The following EPB41L3 variants were observed in gnomAD, a reference collection of about 807,000 sequenced individuals.
The protein encoded by EPB41L3 is erythrocyte membrane protein band 4.1 like 3, also known as band 4.1-like protein 3.
EPB41L3 carries 57 observed loss-of-function variants against 127.1 expected under a neutral mutation model. The observed-to-expected ratio is 0.45, with a 90% confidence interval of 0.36 to 0.56. The LOEUF is 0.56. Among genes scored for constraint, EPB41L3 ranks in the 20% least tolerant of loss-of-function variants. The pLI, the probability that EPB41L3 is intolerant of heterozygous loss-of-function variation, is 0.00. For missense variants in EPB41L3, 1,273 were observed against 1,372.2 expected (o/e 0.93, Z 1.14); for synonymous variants, 572 against 549.5 (o/e 1.04, Z -0.57).
At chr18:5,592,217 A>G (rs1338988122) in intron 3 of EPB41L3, among the ~76,000 whole-genome samples, 1 of 152,086 alleles carries the variant, frequency 6.6e-6, no homozygotes, top group African/African-American at 2.4e-5. Context: ...CCCAGGCGGG[A>G]GTGCAGTGGC....
chr18:5,485,481 A>G (rs573630052), intron 2 of EPB41L3, among the ~76,000 whole-genome samples: 3 of 152,044 alleles, frequency 2.0e-5, no homozygotes, highest in African/African-American at 7.2e-5. Context: ...ATAATACTGG[A>G]AGTCCTGGCT....
chr18:5,394,924 G>T, intron 21 of EPB41L3, 131 bp from the exon 22 acceptor site: 1 of 1,187,134 alleles, frequency 8.4e-7, no homozygotes, highest in Non-Finnish European at 1.2e-6. Context: ...ATTACAAAAG[G>T]AATCATAAAT....
chr18:5,477,480 T>C (rs2087473578), intron 3 of EPB41L3, among the ~76,000 whole-genome samples: 1 of 152,210 alleles, frequency 6.6e-6, no homozygotes, highest in Admixed American at 6.5e-5. Context: ...ACATGGCATC[T>C]GAAACCTTGC....
At chr18:5,401,599 A>G (rs750473044) in intron 16 of EPB41L3, among the ~76,000 whole-genome samples, 11 of 152,170 alleles carry the variant, frequency 7.2e-5, no homozygotes, top group African/African-American at 1.7e-4. Flanking sequence ...CCCACAAATA[A>G]AGAAAAAATA....
intron 3 of EPB41L3, among the ~76,000 whole-genome samples, chr18:5,611,631 C>T (rs1309916461): frequency 6.6e-6 from 1 of 152,050 alleles, no homozygotes; most frequent in African/African-American, 2.4e-5. Flanking sequence ...GAGAGTAGCA[C>T]AATAAATAAA....
intron 3 of EPB41L3, among the ~76,000 whole-genome samples, chr18:5,581,399 A>C: frequency 6.6e-6 from 1 of 152,212 alleles, no homozygotes; most frequent in East Asian, 1.9e-4. Flanking sequence ...GTTAAACTAA[A>C]TTTTAAGATA....
At chr18:5,518,673 T>G (rs1044509406) in intron 1 of EPB41L3, 2 of 152,210 alleles carry the variant, frequency 1.3e-5, no homozygotes, top group Non-Finnish European at 2.9e-5. Context: ...TATTTTATAC[T>G]ATTTCTTAAC....
rs1302605705 is a variant in EPB41L3 at position 5,543,597 on chromosome 18, G to A, written c.-12+316C>T. The stretch of plus-strand genomic sequence containing the variant: ...GTCGCCCCTTCGGCCAGGGATCCCA[G>A]GGAGGCCCCCAGGCCGGAGGCCGGG... On this transcript the variant is annotated intron_variant, in intron 1 of 22. Transcript: ENST00000341928. This position sits in a 1 kb window ranked among gnomAD's most constrained non-coding sequence, Gnocchi z 5.2. Among the ~76,000 whole-genome samples, 1 of 147,344 alleles carries A rather than the reference G, an allele frequency of 6.8e-6. No individual in the cohort carries two copies. Among genetic ancestry groups the A allele is most frequent in the Non-Finnish European group, 1.5e-5 (1 of 66,134 alleles).
At chr18:5,431,594 T>G (rs1471059968) in intron 8 of EPB41L3, among the ~76,000 whole-genome samples, 1 of 152,250 alleles carries the variant, frequency 6.6e-6, no homozygotes, top group Non-Finnish European at 1.5e-5. Flanking sequence ...ATAGAAACAC[T>G]GATACATCCT....
chr18:5,458,389 A>G (rs568794161), intron 3 of EPB41L3, among the ~76,000 whole-genome samples: 7 of 152,328 alleles, frequency 4.6e-5, no homozygotes, highest in African/African-American at 1.4e-4. Flanking sequence ...TACACATTTT[A>G]TCCTTCACAA....
At chr18:5,568,073 G>T (rs1452103995) in intron 3 of EPB41L3, among the ~76,000 whole-genome samples, 1 of 152,046 alleles carries the variant, frequency 6.6e-6, no homozygotes, top group African/African-American at 2.4e-5. Context: ...GAAAAGAAAT[G>T]ATGCAAAATA....
At chr18:5,473,745 C>T (rs1568332817) in intron 3 of EPB41L3, among the ~76,000 whole-genome samples, 1 of 152,108 alleles carries the variant, frequency 6.6e-6, no homozygotes, top group African/African-American at 2.4e-5. Flanking sequence ...ACAACAATAA[C>T]AAACTGGCTG....
At chr18:5,421,351 CAT>C (rs2077451544) in intron 11 of EPB41L3, among the ~76,000 whole-genome samples, 1 of 151,964 alleles carries the variant, frequency 6.6e-6, no homozygotes, top group Non-Finnish European at 1.5e-5. Flanking sequence ...ATACTGATAA[CAT>C]ATAGAAATAG....
chr18:5,467,346 T>A (rs796588225), intron 3 of EPB41L3: 55 of 151,656 alleles, frequency 3.6e-4, no homozygotes, highest in Middle Eastern at 3.4e-3. Context: ...TTTTTAGAAA[T>A]TAGGTTTAAG....
Position 5,459,617 on chromosome 18 carries a change from A to T in EPB41L3, c.382-14373T>A, listed in dbSNP as rs2083637480. On this transcript the variant is annotated intron_variant, in intron 3 of 22. Transcript: ENST00000341928. The stretch of plus-strand genomic sequence containing the variant: ...TTCTGGTTATATAAAGGAAGTTCTT[A>T]ATCTGTATCTACTGAATGAGAATGT... 2.0e-5 allele frequency among the ~76,000 whole-genome samples: 3 copies of T among 152,154 alleles called. No homozygotes were observed. In the East Asian group the frequency reaches 5.8e-4, roughly 29 times the overall value.
At chr18:5,400,509 T>C (rs559731549) in intron 16 of EPB41L3, 33 of 456,610 alleles carry the variant, frequency 7.2e-5, no homozygotes, top group African/African-American at 5.4e-4. Flanking sequence ...CTAGGGTTGA[T>C]GGGACAGTTT....
At chr18:5,466,045 T>C (rs994162131) in intron 3 of EPB41L3, among the ~76,000 whole-genome samples, 1 of 152,124 alleles carries the variant, frequency 6.6e-6, no homozygotes, top group African/African-American at 2.4e-5. Flanking sequence ...TTCCTCTCTA[T>C]ATTTCATTAT....
chr18:5,589,502 G>C (rs1461233808), intron 3 of EPB41L3, among the ~76,000 whole-genome samples: 1 of 151,996 alleles, frequency 6.6e-6, no homozygotes, highest in Non-Finnish European at 1.5e-5. Flanking sequence ...ATGAAGATAT[G>C]GTGCTCCATT....
In EPB41L3 at chr18:5,397,360, T is replaced by A. The variant is rs761207710; in HGVS notation, c.2539A>T (p.Ser847Cys). The A allele has an allele frequency of 1.9e-6, 3 of 1,613,998 alleles. No individual in the cohort carries two copies. The highest frequency in any genetic ancestry group is 2.5e-6 in the Non-Finnish European group (3 of 1,180,028). Reference sequence around the variant, plus strand: ...GTCTCCTGCACCACCTTCTCAGTGCTAAGCGGCAGGTGGTGCACGGTGGGT... The same window carrying A: ...GTCTCCTGCACCACCTTCTCAGTGCAAAGCGGCAGGTGGTGCACGGTGGGT... ...TEPTVHHLPL[S>C]TEKVVQETVL... The change falls in exon 18 of 23, where the codon AGC becomes TGC. Residue 847 changes from serine to cysteine, a missense_variant. Physicochemically the swap from Ser to Cys is moderately radical, Grantham distance 112 (BLOSUM62 -1). Coordinates refer to ENST00000341928, the MANE Select transcript of EPB41L3 (RefSeq NM_012307.5). This position sits in a 1 kb window ranked among gnomAD's most constrained non-coding sequence, Gnocchi z 4.1.
Sources: gnomAD v4.1 joint callset for allele counts (sites outside exome capture counted in the v4.1 genomes callset) on GRCh38, gnomAD v4.1.1 for gene constraint, Gnocchi (gnomAD v3.1) non-coding constraint, MANE v1.5 for transcripts, NCBI Gene and HGNC (gene_info 2026-07-23, HGNC 2026-07-21) for gene names.